Variants in INSL6 observed in about 807,000 individuals in gnomAD.
INSL6 encodes insulin like 6.
Under a neutral mutation model 9.4 loss-of-function variants are expected in INSL6, and 16 were observed. The observed-to-expected ratio is 1.70, with a 90% confidence interval of 1.15 to 2.59. The LOEUF is 2.59. INSL6 is among the 30% of genes most tolerant of loss of function. The pLI is 0.00. For synonymous variants in INSL6, 154 were observed against 96.9 expected (o/e 1.59, Z -3.46); for missense variants, 391 against 257.3 (o/e 1.52, Z -3.56).
At chr9:5,051,613 T>A in the INSL6 span, among the ~76,000 whole-genome samples, 1 of 152,180 alleles carries the variant, frequency 6.6e-6, no homozygotes, top group Non-Finnish European at 1.5e-5. Flanking sequence ...CAATCATGGC[T>A]AATATAAAAC....
the INSL6 span, chr9:5,098,390 T>C: frequency 1.2e-4 from 19 of 152,196 alleles, no homozygotes; most frequent in Non-Finnish European, 2.4e-4. Context: ...TCCCCTATCA[T>C]AGAAGAACCG....
intron 2 of INSL6, among the ~76,000 whole-genome samples, chr9:5,133,848 G>A (rs1047213353): frequency 9.9e-5 from 15 of 151,948 alleles, no homozygotes; most frequent in African/African-American, 3.4e-4. Context: ...GAATGAGGTT[G>A]ATGAATTGAC....
At chr9:4,994,053 G>A in the INSL6 span, among the ~76,000 whole-genome samples, 1 of 152,178 alleles carries the variant, frequency 6.6e-6, no homozygotes, top group Non-Finnish European at 1.5e-5. Flanking sequence ...ACTCGTGACT[G>A]AACTGAATTG....
At chr9:5,083,027 A>C in the INSL6 span, among the ~76,000 whole-genome samples, 1 of 152,222 alleles carries the variant, frequency 6.6e-6, no homozygotes, top group African/African-American at 2.4e-5. Flanking sequence ...AGGCTTTAAC[A>C]TGTAATGTGC....
rs1824028792 is a variant in INSL6 at position 5,126,796 on chromosome 9, A to C, written c.*11-2285T>G. 2.5e-6 allele frequency: 4 copies of C among 1,572,600 alleles called. No individual in the cohort carries two copies. In the East Asian group the frequency reaches 6.7e-5, roughly 26 times the overall value. ...AGGGATAACATGGCTGGATGAAAGA[A>C]ATGACCTTCATTCTGAGACCAAAGT... On this transcript the variant is annotated intron_variant, in intron 3 of 3. Transcript: ENST00000649639.
chr9:5,089,557 A>G, the INSL6 span: 1 of 360,006 alleles, frequency 2.8e-6, no homozygotes, highest in East Asian at 4.9e-5. Context: ...AAAAAAAAAA[A>G]AAAAAAAAGA....
intron 1 of INSL6, among the ~76,000 whole-genome samples, chr9:5,168,411 C>T (rs532782912): frequency 6.6e-6 from 1 of 152,132 alleles, no homozygotes; most frequent in African/African-American, 2.4e-5. Flanking sequence ...AAACACAACA[C>T]GTGAACTTCA....
chr9:5,045,724 C>A, the INSL6 span, among the ~76,000 whole-genome samples: 1 of 152,160 alleles, frequency 6.6e-6, no homozygotes, highest in African/African-American at 2.4e-5. Context: ...CAGGTTCATC[C>A]ATGTTGTAGC....
At chr9:5,021,941 AC>A in the INSL6 span, 1 of 1,434,782 alleles carries the variant, frequency 7.0e-7, no homozygotes, top group South Asian at 1.2e-5. Context: ...CCCATTTGTA[AC>A]TTTATTGTTT....
the INSL6 span, chr9:5,114,609 G>A: frequency 2.0e-5 from 10 of 488,514 alleles, no homozygotes; most frequent in Non-Finnish European, 2.8e-5. Flanking sequence ...GCTGTACAAC[G>A]AGGTGCAGCT....
At chr9:5,003,381 G>C in the INSL6 span, among the ~76,000 whole-genome samples, 2 of 151,822 alleles carry the variant, frequency 1.3e-5, no homozygotes, top group Non-Finnish European at 2.9e-5. Flanking sequence ...TATTTAGCTA[G>C]CATTTATTTT....
the INSL6 span, chr9:5,069,139 CAG>C: frequency 6.2e-7 from 1 of 1,613,090 alleles, no homozygotes; most frequent in Non-Finnish European, 8.5e-7. Context: ...GAATTGTTAC[CAG>C]ATGGAAACTG....
At chr9:5,095,339 T>G in the INSL6 span, among the ~76,000 whole-genome samples, 1,251 of 152,096 alleles carry the variant, frequency 8.2e-3, 14 homozygotes, top group African/African-American at 0.029. Context: ...ATAAATATAG[T>G]AGTTCTTACC....
chr9:5,164,299 T>C (rs1824997201), intron 1 of INSL6, 34 bp from the exon 2 acceptor site: 1 of 1,368,364 alleles, frequency 7.3e-7, no homozygotes, highest in African/African-American at 1.4e-5. Flanking sequence ...TGCTCCTTTA[T>C]TAAAATCTTC....
chr9:5,094,437 A>G, the INSL6 span: 1 of 152,244 alleles, frequency 6.6e-6, no homozygotes, highest in African/African-American at 2.4e-5. Flanking sequence ...GATCAGGATA[A>G]GCATCCAATT....
At chr9:5,126,509 T>G in intron 3 of INSL6, 1 of 1,144,322 alleles carries the variant, frequency 8.7e-7, no homozygotes, top group East Asian at 2.4e-5. Context: ...CTCAAGGACT[T>G]CAGTTCACTT....
At chr9:5,111,357 T>G in the INSL6 span, 1 of 398,218 alleles carries the variant, frequency 2.5e-6, no homozygotes, top group Non-Finnish European at 4.9e-6. Flanking sequence ...CTCCCGGTAC[T>G]ACCCCTCCTA....
the INSL6 span, chr9:5,080,713 C>A: frequency 6.8e-7 from 1 of 1,467,070 alleles, no homozygotes; most frequent in East Asian, 2.4e-5. Context: ...TATTGATTTT[C>A]CAGCTTTCTA....
chr9:5,042,773 A>T, the INSL6 span, among the ~76,000 whole-genome samples: 1 of 152,162 alleles, frequency 6.6e-6, no homozygotes, highest in Admixed American at 6.5e-5. Flanking sequence ...GCTGTGCCCC[A>T]GGCCTCCCCA....
Sources: gnomAD v4.1 joint callset for allele counts (sites outside exome capture counted in the v4.1 genomes callset) on GRCh38, gnomAD v4.1.1 for gene constraint, MANE v1.5 for transcripts, NCBI Gene and HGNC (gene_info 2026-07-23, HGNC 2026-07-21) for gene names.